LGSN: variants seen among roughly 807,000 people sequenced by gnomAD.
The protein encoded by LGSN is lengsin, lens protein with glutamine synthetase domain.
LGSN carries 21 observed loss-of-function variants against 19.5 expected under a neutral mutation model. The ratio of observed to expected loss-of-function variants is 1.07; its 90% confidence interval spans 0.76 to 1.55. The LOEUF is 1.55. Among genes scored for constraint, LGSN ranks in the 40% most tolerant of loss-of-function variants. LGSN has a pLI of 0.00. For missense variants in LGSN, 673 were observed against 608.5 expected, an observed-to-expected ratio of 1.11 and a Z score of -1.12; for synonymous variants, 257 against 215.6, an observed-to-expected ratio of 1.19 and a Z score of -1.68.
the LGSN span, among the ~76,000 whole-genome samples, chr6:63,488,689 G>A: frequency 2.6e-5 from 4 of 152,030 alleles, no homozygotes; most frequent in Non-Finnish European, 5.9e-5. Flanking sequence ...ATGGTGGCAG[G>A]TGCCTGTAAT....
At chr6:63,454,839 G>C in the LGSN span, among the ~76,000 whole-genome samples, 1 of 114,756 alleles carries the variant, frequency 8.7e-6, no homozygotes, top group East Asian at 2.7e-4. Flanking sequence ...CTGTCACCCA[G>C]GCTGGAGTGT....
the LGSN span, among the ~76,000 whole-genome samples, chr6:63,555,691 T>TA: frequency 2.7e-5 from 4 of 146,112 alleles, no homozygotes; most frequent in African/African-American, 1.0e-4. Context: ...TCAATTACAC[T>TA]CTTTTTTTTT....
At chr6:63,512,643 G>A in the LGSN span, among the ~76,000 whole-genome samples, 1 of 152,176 alleles carries the variant, frequency 6.6e-6, no homozygotes, top group Non-Finnish European at 1.5e-5. Context: ...GATCAATTAA[G>A]ATAGGCTTTT....
chr6:63,302,346 T>C (rs1308880758), intron 1 of LGSN, among the ~76,000 whole-genome samples: 1 of 152,214 alleles, frequency 6.6e-6, no homozygotes, highest in Non-Finnish European at 1.5e-5. Flanking sequence ...TTATTAATTC[T>C]GATGAACTTT....
chr6:63,403,347 GT>G, the LGSN span, among the ~76,000 whole-genome samples: 1 of 151,974 alleles, frequency 6.6e-6, no homozygotes, highest in Non-Finnish European at 1.5e-5. Context: ...AGGAGGAAAG[GT>G]CAAGATACAC....
the LGSN span, among the ~76,000 whole-genome samples, chr6:63,409,312 A>C: frequency 6.6e-6 from 1 of 152,232 alleles, no homozygotes; most frequent in Non-Finnish European, 1.5e-5. Flanking sequence ...CTTTCTTTAG[A>C]TATATTAATA....
the LGSN span, among the ~76,000 whole-genome samples, chr6:63,447,205 T>C: frequency 6.6e-6 from 1 of 152,248 alleles, no homozygotes; most frequent in Non-Finnish European, 1.5e-5. Flanking sequence ...TTTCTGTTTT[T>C]ATAAACAGTT....
the LGSN span, among the ~76,000 whole-genome samples, chr6:63,412,469 AGAG>A: frequency 3.9e-5 from 5 of 128,278 alleles, no homozygotes; most frequent in African/African-American, 1.7e-4. Context: ...AAAGAAAAAG[AGAG>A]AGAAGAAAGA....
At chr6:63,347,481 A>G in the LGSN span, among the ~76,000 whole-genome samples, 1 of 152,214 alleles carries the variant, frequency 6.6e-6, no homozygotes, top group Admixed American at 6.5e-5. Flanking sequence ...CTGTTCAGAC[A>G]TATAATTTCA....
the LGSN span, among the ~76,000 whole-genome samples, chr6:63,454,168 T>G: frequency 6.6e-6 from 1 of 152,164 alleles, no homozygotes; most frequent in Non-Finnish European, 1.5e-5. Flanking sequence ...TCATTTACCA[T>G]CTAATGTAAA....
At chr6:63,519,427 T>C in the LGSN span, among the ~76,000 whole-genome samples, 2 of 152,234 alleles carry the variant, frequency 1.3e-5, no homozygotes, top group African/African-American at 2.4e-5. Flanking sequence ...CATAGCTTTT[T>C]GGATTTCATA....
chr6:63,543,749 A>G, the LGSN span, among the ~76,000 whole-genome samples: 1 of 152,210 alleles, frequency 6.6e-6, no homozygotes, highest in Non-Finnish European at 1.5e-5. Flanking sequence ...CTCCTAAGTC[A>G]AGTGAAACTT....
At chr6:63,400,576 C>T in the LGSN span, among the ~76,000 whole-genome samples, 6 of 152,236 alleles carry the variant, frequency 3.9e-5, no homozygotes, top group African/African-American at 1.2e-4. Context: ...AATGTAAATG[C>T]ATGCATATCT....
At chr6:63,561,577 G>A in the LGSN span, among the ~76,000 whole-genome samples, 61 of 152,050 alleles carry the variant, frequency 4.0e-4, no homozygotes, top group Admixed American at 7.9e-4. Context: ...TTTTGTTTCC[G>A]CTTACAATCA....
chr6:63,542,974 G>C, the LGSN span, among the ~76,000 whole-genome samples: 1 of 151,960 alleles, frequency 6.6e-6, no homozygotes, highest in Non-Finnish European at 1.5e-5. Context: ...TTATCTTCTT[G>C]AACTTGCAAA....
the LGSN span, among the ~76,000 whole-genome samples, chr6:63,358,878 G>T: frequency 6.6e-6 from 1 of 152,144 alleles, no homozygotes; most frequent in Non-Finnish European, 1.5e-5. Flanking sequence ...TGTTGAATAG[G>T]AGTAGTGAGA....
At chr6:63,495,552 C>A in the LGSN span, among the ~76,000 whole-genome samples, 2 of 147,824 alleles carry the variant, frequency 1.4e-5, no homozygotes, top group African/African-American at 5.1e-5. Context: ...CTGGTTCAAG[C>A]AATTCTCCTG....
the LGSN span, chr6:63,549,415 A>C: frequency 1.3e-6 from 1 of 751,598 alleles, no homozygotes; most frequent in East Asian, 2.5e-5. Flanking sequence ...CCGTTTCTCA[A>C]ACAGGGGATT....
the LGSN span, among the ~76,000 whole-genome samples, chr6:63,417,642 G>T: frequency 6.6e-6 from 1 of 152,152 alleles, no homozygotes; most frequent in Non-Finnish European, 1.5e-5. Context: ...CATATAAACC[G>T]AGTACACCAA....
Sources: allele counts gnomAD v4.1 joint callset (sites outside exome capture counted in the v4.1 genomes callset), GRCh38; gene constraint gnomAD v4.1.1; transcripts MANE v1.5; gene names NCBI Gene and HGNC (gene_info 2026-07-23, HGNC 2026-07-21).